The following MAPK8 variants were observed in gnomAD, a reference collection of about 807,000 sequenced individuals.
MAPK8 encodes the protein mitogen-activated protein kinase 8.
MAPK8 carries 13 observed loss-of-function variants against 52.9 expected under a neutral mutation model. The observed-to-expected ratio is 0.25, with a 90% CI of 0.16 to 0.39. The LOEUF (loss-of-function observed/expected upper bound fraction) is 0.39. MAPK8 is among the 10% of genes least tolerant of loss of function. MAPK8 has a pLI of 1.00. For synonymous variants in MAPK8, 191 were observed against 169.8 expected (o/e 1.12, Z -0.97); for missense variants, 300 against 519.2 (o/e 0.58, Z 4.10).
chr10:48,343,046 C>T (rs1845452506), intron 1 of MAPK8, among the ~76,000 whole-genome samples: 1 of 152,198 alleles, frequency 6.6e-6, no homozygotes, highest in South Asian at 2.1e-4. Flanking sequence ...TTTCAGCAAA[C>T]CTAGGACAGT....
At chr10:48,376,443 A>C (rs562692620) in intron 1 of MAPK8, among the ~76,000 whole-genome samples, 2 of 152,190 alleles carry the variant, frequency 1.3e-5, no homozygotes, top group African/African-American at 4.8e-5. Flanking sequence ...AGAGTGAACA[A>C]GCAGCCTACA....
intron 5 of MAPK8, among the ~76,000 whole-genome samples, chr10:48,416,415 G>A (rs1235314723): frequency 6.6e-6 from 1 of 152,208 alleles, no homozygotes; most frequent in Non-Finnish European, 1.5e-5. Context: ...CTTCAGCATA[G>A]TGGTGAGCCC....
chr10:48,339,783 G>A (rs1444912388), intron 1 of MAPK8, among the ~76,000 whole-genome samples: 1 of 152,108 alleles, frequency 6.6e-6, no homozygotes, highest in Non-Finnish European at 1.5e-5. Flanking sequence ...CATACGAGTG[G>A]CGAAAAAAGG....
At chr10:48,350,138 C>A (rs544439400) in intron 1 of MAPK8, among the ~76,000 whole-genome samples, 1 of 151,720 alleles carries the variant, frequency 6.6e-6, no homozygotes, top group East Asian at 1.9e-4. Flanking sequence ...GCCTGCTAAC[C>A]AAAAAAAAGC....
At chr10:48,317,321 C>T (rs1469638822) in intron 1 of MAPK8, among the ~76,000 whole-genome samples, 1 of 152,016 alleles carries the variant, frequency 6.6e-6, no homozygotes, top group Non-Finnish European at 1.5e-5. Context: ...AGCTGGGACT[C>T]GGCTGGCGAA....
At chr10:48,407,158 T>C (rs1466540861) in intron 3 of MAPK8, among the ~76,000 whole-genome samples, 2 of 152,234 alleles carry the variant, frequency 1.3e-5, no homozygotes, top group Non-Finnish European at 2.9e-5. Flanking sequence ...GACTTTTCAC[T>C]TGTGGGCTTC....
intron 1 of MAPK8, among the ~76,000 whole-genome samples, chr10:48,397,036 A>G (rs966853170): frequency 1.3e-5 from 2 of 152,252 alleles, no homozygotes; most frequent in Admixed American, 1.3e-4. Context: ...GACAAACCAT[A>G]GTACAACTAT....
At chr10:48,345,821 C>A (rs996716167) in intron 1 of MAPK8, among the ~76,000 whole-genome samples, 4 of 152,088 alleles carry the variant, frequency 2.6e-5, no homozygotes, top group Admixed American at 2.0e-4. Context: ...TGGGCACAGA[C>A]AAAAGCCCCA....
intron 1 of MAPK8, among the ~76,000 whole-genome samples, chr10:48,329,515 T>A (rs1205968852): frequency 3.3e-5 from 5 of 151,506 alleles, no homozygotes; most frequent in African/African-American, 1.2e-4. Flanking sequence ...CTCCTTTTTT[T>A]TTAAAAAAAA....
At chr10:48,405,449 T>A (rs1179874371) in intron 3 of MAPK8, among the ~76,000 whole-genome samples, 2 of 152,222 alleles carry the variant, frequency 1.3e-5, no homozygotes, top group African/African-American at 4.8e-5. Context: ...CAGTATTCAC[T>A]GATCACTTTA....
chr10:48,359,442 G>A (rs1299114409), intron 1 of MAPK8, among the ~76,000 whole-genome samples: 1 of 152,088 alleles, frequency 6.6e-6, no homozygotes, highest in Non-Finnish European at 1.5e-5. Context: ...TAGTGTTTAA[G>A]TTCTTTGCAG....
intron 5 of MAPK8, among the ~76,000 whole-genome samples, chr10:48,413,279 A>C (rs2042860840): frequency 6.6e-6 from 1 of 152,158 alleles, no homozygotes; most frequent in East Asian, 1.9e-4. Context: ...TTGAGACCCT[A>C]CTTTTCAGTT....
chr10:48,336,270 A>G (rs573016620), intron 1 of MAPK8, among the ~76,000 whole-genome samples: 2 of 152,354 alleles, frequency 1.3e-5, no homozygotes, highest in East Asian at 3.8e-4. Flanking sequence ...AACACTCAAA[A>G]GCTAAGAAAC....
chr10:48,401,711 T>G lies in MAPK8; in HGVS notation c.51T>G (p.Asp17Glu), dbSNP rs2042169022. The G allele has an allele frequency of 6.2e-7, 1 of 1,602,298 alleles. No homozygotes were observed. Among genetic ancestry groups the G allele is most frequent in the East Asian group, 2.3e-5 (1 of 43,984 alleles). Residue 17 changes from aspartate (D) to glutamate (E), a missense_variant, in exon 2 of 12, where the codon GAT becomes GAG. Asp to Glu is a conservative substitution (Grantham distance 45, BLOSUM62 2). Transcript: ENST00000374189. ...DNNFYSVEIG[D>E]STFTVLKRYQ... is the part of the protein sequence containing the mutation. ...ATTTTTATAGTGTAGAGATTGGAGATTCTACATTCACAGTCCTGAAACGAT... is the reference window on the plus strand; with the variant it reads ...ATTTTTATAGTGTAGAGATTGGAGAGTCTACATTCACAGTCCTGAAACGAT...
At chr10:48,340,036 A>G (rs1273461051) in intron 1 of MAPK8, among the ~76,000 whole-genome samples, 3 of 152,256 alleles carry the variant, frequency 2.0e-5, no homozygotes, top group Admixed American at 1.3e-4. Context: ...TCAAACCAGC[A>G]GTCTCATTAC....
rs370766776 is a variant in MAPK8 at position 48,324,503 on chromosome 10, G to GTTTTTTTTTTT, written c.-50+17689_-50+17699dup. On this transcript the variant is annotated intron_variant, in intron 1 of 11. Coordinates refer to ENST00000374189, the MANE Select transcript of MAPK8 (RefSeq NM_001323329.2). ...TATACAACAGTTGTCCTGTTTTCTAGTTTTTTTTTTTTTTTTTACACTCAT... is the reference window on the plus strand; with the variant it reads ...TATACAACAGTTGTCCTGTTTTCTAGTTTTTTTTTTTTTTTTTTTTTTTTTTTTACACTCAT... Among the ~76,000 whole-genome samples the GTTTTTTTTTTT allele has an allele frequency of 1.4e-3, 163 of 117,980 alleles. 10 individuals carry two copies. The highest frequency in any genetic ancestry group is 5.3e-3 in the African/African-American group (148 of 28,086). The allele number at this position is 117,980 out of a possible 152,430, so 77.4% of individuals were successfully genotyped here. A position where few individuals can be genotyped will look rare whatever the true frequency, so the allele number is the denominator to read the frequency against.
intron 6 of MAPK8, 26 bp downstream of exon 6, chr10:48,420,346 A>C: frequency 6.5e-7 from 1 of 1,536,156 alleles, no homozygotes; most frequent in Non-Finnish European, 8.8e-7. Flanking sequence ...TATTTGAAAT[A>C]TTTTTCTGAT....
chr10:48,439,170 C>T lies in MAPK8; in HGVS notation c.*4141C>T, dbSNP rs747628568. The stretch of plus-strand genomic sequence containing the variant: ...CCTCTCCTTCCCTGTGTTCCGTTCC[C>T]TCTCCTTTCCTCTAGACAAAACAAA... On this transcript the variant is annotated 3_prime_UTR_variant, in exon 12 of 12. Coordinates refer to ENST00000374189, the MANE Select transcript of MAPK8 (RefSeq NM_001323329.2). 10 of 151,618 alleles carry T rather than the reference C, an allele frequency of 6.6e-5. No individual in the cohort carries two copies. The highest frequency in any genetic ancestry group is 1.5e-4 in the Non-Finnish European group (10 of 67,984). 9.4% of individuals were successfully genotyped at this position (151,618 alleles called of 1,614,324 possible). A position where few individuals can be genotyped will look rare whatever the true frequency, so the allele number is the denominator to read the frequency against.
chr10:48,367,425 A>G (rs1247489378), intron 1 of MAPK8, among the ~76,000 whole-genome samples: 1 of 151,426 alleles, frequency 6.6e-6, no homozygotes, highest in Non-Finnish European at 1.5e-5. Context: ...TTACATATAT[A>G]TATAAATTTC....
Sources: allele counts gnomAD v4.1 joint callset (sites outside exome capture counted in the v4.1 genomes callset), GRCh38; gene constraint gnomAD v4.1.1; transcripts MANE v1.5; gene names NCBI Gene and HGNC (gene_info 2026-07-23, HGNC 2026-07-21).